The following AHCYL2 variants were observed in gnomAD, a reference collection of about 807,000 sequenced individuals.
AHCYL2 encodes the protein S-adenosylhomocysteine hydrolase-like protein 2.
Under a neutral mutation model 81.4 loss-of-function variants are expected in AHCYL2, and 28 were observed. The observed-to-expected ratio is 0.34, with a 90% CI of 0.25 to 0.47. The LOEUF (loss-of-function observed/expected upper bound fraction) is 0.47, where lower values mean the gene tolerates loss of function less well. AHCYL2 is among the 20% of genes least tolerant of loss of function. The probability of loss-of-function intolerance (pLI) is 1.00; values close to 1 mark genes in which losing one functional copy is unlikely to be tolerated. For synonymous variants in AHCYL2, 272 were observed against 290.2 expected (o/e 0.94, Z 0.64); for missense variants, 551 against 785.1 (o/e 0.70, Z 3.56).
intron 1 of AHCYL2, among the ~76,000 whole-genome samples, chr7:129,330,752 C>T (rs1454366175): frequency 2.0e-5 from 3 of 152,210 alleles, no homozygotes; most frequent in African/African-American, 4.8e-5. Flanking sequence ...TGAGCCACCA[C>T]GCCCGGCCTC....
chr7:129,320,347 CTT>C (rs1221456850), intron 1 of AHCYL2, among the ~76,000 whole-genome samples: 1 of 152,132 alleles, frequency 6.6e-6, no homozygotes, highest in Non-Finnish European at 1.5e-5. Flanking sequence ...GAGATAGAGT[CTT>C]CTTCTGTCAC....
At chr7:129,313,184 GAATGGATATA>G (rs1797720241) in intron 1 of AHCYL2, among the ~76,000 whole-genome samples, 1 of 152,222 alleles carries the variant, frequency 6.6e-6, no homozygotes, top group Admixed American at 6.5e-5. Context: ...GAGGTCTGGT[GAATGGATATA>G]AATTTGTAGG....
chr7:129,366,458 G>A (rs181777888), intron 1 of AHCYL2, among the ~76,000 whole-genome samples: 1 of 152,260 alleles, frequency 6.6e-6, no homozygotes, highest in East Asian at 1.9e-4. Flanking sequence ...CCAAACATCT[G>A]AGACAGGTCT....
chr7:129,303,395 T>C (rs1797317881), intron 1 of AHCYL2, among the ~76,000 whole-genome samples: 1 of 152,214 alleles, frequency 6.6e-6, no homozygotes, highest in Non-Finnish European at 1.5e-5. Flanking sequence ...GGAGGTTGTA[T>C]GTGTCAAGAA....
At chr7:129,300,972 A>G (rs971197716) in intron 1 of AHCYL2, among the ~76,000 whole-genome samples, 4 of 152,130 alleles carry the variant, frequency 2.6e-5, no homozygotes, top group African/African-American at 9.7e-5. Context: ...AGTTGGGATT[A>G]CAAATCTGAA....
rs368581789 is a variant in AHCYL2 at position 129,409,470 on chromosome 7, C to T, written c.1296-6C>T. The T allele has an allele frequency of 3.3e-5, 53 of 1,612,806 alleles. No homozygotes were observed. Among genetic ancestry groups the T allele is most frequent in the Non-Finnish European group, 4.3e-5 (51 of 1,179,388 alleles). On this transcript the variant is annotated splice_region_variant and splice_polypyrimidine_tract_variant and intron_variant, in intron 10 of 16. Coordinates refer to ENST00000325006, the MANE Select transcript of AHCYL2 (RefSeq NM_015328.4). ...TAGGTTAATGGGTCATGCTTTATTT[C>T]AACAGTATGGATGGATTTCGACTGG...
intron 1 of AHCYL2, 81 bp downstream of exon 1, chr7:129,225,520 C>G: frequency 7.8e-6 from 11 of 1,406,256 alleles, no homozygotes; most frequent in Non-Finnish European, 8.3e-6. Flanking sequence ...CGGCACCACC[C>G]TCCACGCCCT....
chr7:129,238,355 T>C (rs1169789228), intron 1 of AHCYL2, among the ~76,000 whole-genome samples: 1 of 152,210 alleles, frequency 6.6e-6, no homozygotes, highest in Admixed American at 6.5e-5. Context: ...TTATGACCGA[T>C]GCTAGACTGT....
intron 1 of AHCYL2, among the ~76,000 whole-genome samples, chr7:129,270,460 A>G (rs967390116): frequency 3.3e-5 from 5 of 152,046 alleles, no homozygotes; most frequent in African/African-American, 1.2e-4. Flanking sequence ...CCTCCTTGTT[A>G]TATGTTTTAC....
At chr7:129,323,583 GTGT>G (rs1380254747) in intron 1 of AHCYL2, among the ~76,000 whole-genome samples, 1 of 151,956 alleles carries the variant, frequency 6.6e-6, no homozygotes, top group African/African-American at 2.4e-5. Flanking sequence ...TTGGTTGTTA[GTGT>G]TGTTGAAGTC....
intron 1 of AHCYL2, among the ~76,000 whole-genome samples, chr7:129,369,972 G>GT (rs1175220953): frequency 6.6e-6 from 1 of 152,108 alleles, no homozygotes; most frequent in Admixed American, 6.6e-5. Context: ...ATTGGGTTGA[G>GT]TTTTTTTGAA....
At position 129,406,145 on chromosome 7, in the gene AHCYL2, A is replaced by G. The variant is rs10224011; in HGVS notation, c.1207-233A>G. 0.89 allele frequency among the ~76,000 whole-genome samples: 134,965 copies of G among 152,214 alleles called. 61,406 individuals carry two copies. Among genetic ancestry groups the G allele is most frequent in the Non-Finnish European group, 0.98 (66,549 of 68,044 alleles). On this transcript the variant is annotated intron_variant, in intron 9 of 16. Coordinates refer to ENST00000325006, the MANE Select transcript of AHCYL2 (RefSeq NM_015328.4). This position sits in a 1 kb window ranked among gnomAD's most constrained non-coding sequence, Gnocchi z 4.3. ...TGATGTTCTTTTTAGCTTGTGTTTT[A>G]ATTATGAATCGTGAGTGTGGGTGTT...
chr7:129,237,695 G>A (rs973837334), intron 1 of AHCYL2, among the ~76,000 whole-genome samples: 1 of 152,042 alleles, frequency 6.6e-6, no homozygotes, highest in Non-Finnish European at 1.5e-5. Context: ...AGAAAAATGT[G>A]ATACTGTGTG....
intron 1 of AHCYL2, among the ~76,000 whole-genome samples, chr7:129,323,925 C>A (rs965218419): frequency 2.8e-5 from 4 of 144,356 alleles, no homozygotes; most frequent in Non-Finnish European, 4.5e-5. Flanking sequence ...GGTTGGAGTG[C>A]AATGGCGAGA....
intron 1 of AHCYL2, among the ~76,000 whole-genome samples, chr7:129,278,836 C>T (rs984346947): frequency 6.8e-6 from 1 of 147,064 alleles, no homozygotes; most frequent in Non-Finnish European, 1.5e-5. Flanking sequence ...CTCTTCTCCA[C>T]TGAATTGCTC....
intron 1 of AHCYL2, among the ~76,000 whole-genome samples, chr7:129,339,222 G>T (rs1563202624): frequency 6.6e-6 from 1 of 152,112 alleles, no homozygotes; most frequent in African/African-American, 2.4e-5. Context: ...CCAGTTCTAG[G>T]TGTAGAAAAA....
At chr7:129,365,640 A>ATATATATATATATATATGGG (rs1794086247) in intron 1 of AHCYL2, among the ~76,000 whole-genome samples, 1 of 149,026 alleles carries the variant, frequency 6.7e-6, no homozygotes, top group South Asian at 2.2e-4. Flanking sequence ...ATATATATAT[A>ATATATATATATATATATGGG]TATATGGGTA....
intron 1 of AHCYL2, among the ~76,000 whole-genome samples, chr7:129,259,688 C>T (rs1251711853): frequency 6.6e-6 from 1 of 152,138 alleles, no homozygotes; most frequent in African/African-American, 2.4e-5. Context: ...CAGTTTTTCT[C>T]TTTGTAAAGG....
At position 129,398,436 on chromosome 7, in the gene AHCYL2, TG is replaced by T. The variant is rs1436998741; in HGVS notation, c.823+1114del. On this transcript the variant is annotated intron_variant, in intron 5 of 16. Transcript: ENST00000325006. ...CTCTGTCGCCCAGGCTGGAGTGCAG[TG>T]GCATGATCTCGGCTCACTGAAACCT... 1.4e-4 allele frequency among the ~76,000 whole-genome samples: 21 copies of T among 151,894 alleles called. No homozygotes were observed. In the East Asian group the frequency reaches 2.5e-3, roughly 18 times the overall value.
Sources: allele counts gnomAD v4.1 joint callset (sites outside exome capture counted in the v4.1 genomes callset), GRCh38; gene constraint gnomAD v4.1.1; non-coding constraint Gnocchi (gnomAD v3.1); transcripts MANE v1.5; gene names NCBI Gene and HGNC (gene_info 2026-07-23, HGNC 2026-07-21).